The following C2CD3 variants were observed in gnomAD, a reference collection of about 807,000 sequenced individuals.
C2CD3 encodes C2 domain containing 3 centriole elongation regulator.
C2CD3 carries 148 observed loss-of-function variants against 234.0 expected under a neutral mutation model. The ratio of observed to expected loss-of-function variants is 0.63; its 90% CI spans 0.55 to 0.72. The LOEUF (loss-of-function observed/expected upper bound fraction) is 0.72. C2CD3 is among the 30% of genes least tolerant of loss of function. The pLI is 0.00. For missense variants in C2CD3, 2,577 were observed against 2,811.5 expected, an observed-to-expected ratio of 0.92 and a Z score of 1.89; for synonymous variants, 1,000 against 1,035.4, an observed-to-expected ratio of 0.97 and a Z score of 0.66.
chr11:74,060,147 A>G (rs1233351052), intron 24 of C2CD3, among the ~76,000 whole-genome samples: 1 of 152,222 alleles, frequency 6.6e-6, no homozygotes, highest in African/African-American at 2.4e-5. Context: ...AGCCCATCGC[A>G]GCTCAAGGAG....
rs1341057574 is a variant in C2CD3, at chr11:74,093,859, C to T, written c.3301G>A (p.Gly1101Ser). The change falls in exon 18 of 33, where the codon GGC becomes AGC. Residue 1101 changes from glycine to serine, a missense_variant. By Grantham distance (56) the Gly-to-Ser change is moderately conservative. Coordinates refer to ENST00000334126, the MANE Select transcript of C2CD3 (RefSeq NM_001286577.2). ...RLLLSAFSAQ[G>S]LVPGGGVQFE... Reference sequence around the variant, plus strand: ...TGGACTCCACCTCCAGGCACGAGGCCCTGTGCAGAGAAAGCACTTAGTAGG... The same window carrying T: ...TGGACTCCACCTCCAGGCACGAGGCTCTGTGCAGAGAAAGCACTTAGTAGG... 6.2e-7 allele frequency: 1 copy of T among 1,614,058 alleles called. No homozygotes were observed. The highest frequency in any genetic ancestry group is 2.2e-5 in the East Asian group (1 of 44,874).
intron 20 of C2CD3, among the ~76,000 whole-genome samples, chr11:74,087,518 C>T (rs554744463): frequency 2.0e-5 from 3 of 151,488 alleles, no homozygotes; most frequent in Non-Finnish European, 2.9e-5. Context: ...GAGCTGAGAT[C>T]GCACCAGTGC....
intron 24 of C2CD3, among the ~76,000 whole-genome samples, chr11:74,066,272 G>GAACATCACACACTGGGGCCTGTC (rs1188973165): frequency 0.031 from 1,760 of 57,210 alleles, 107 homozygotes; most frequent in Non-Finnish European, 0.04. Context: ...ACAGGAGGGG[G>GAACATCACACACTGGGGCCTGTC]GAGGGATAGT....
At position 74,150,329 on chromosome 11, in the gene C2CD3, CA is replaced by C. The variant is rs1220718450; in HGVS notation, c.484-10502del. 8.9e-5 allele frequency among the ~76,000 whole-genome samples: 13 copies of C among 146,468 alleles called. No individual in the cohort carries two copies. The South Asian group carries it at 2.2e-3, about 25-fold the overall frequency. ...CTGTCTCTACTTAAAAAAAAAAATACAAAAAAAAATTAGCTGGATGTGGTGG... is the reference window on the plus strand; with the variant it reads ...CTGTCTCTACTTAAAAAAAAAAATACAAAAAAAATTAGCTGGATGTGGTGG... On this transcript the variant is annotated intron_variant, in intron 3 of 32. Coordinates refer to ENST00000334126, the MANE Select transcript of C2CD3 (RefSeq NM_001286577.2).
At position 74,048,257 on chromosome 11, in the gene C2CD3, C is replaced by T. The variant is rs1953485682; in HGVS notation, c.5443G>A (p.Asp1815Asn). ...TTTGAGGAGGCATGAGCAAGTTGGTCTAGGGTCTGCCTTGCCATGTGGCTG... is the reference window on the plus strand; with the variant it reads ...TTTGAGGAGGCATGAGCAAGTTGGTTTAGGGTCTGCCTTGCCATGTGGCTG... ...FSSHMARQTL[D>N]QLAHASSKEL... The change falls in exon 28 of 33, where the codon GAC becomes AAC. Residue 1815 changes from aspartate to asparagine, a missense_variant. By Grantham distance (23) the Asp-to-Asn change is conservative. Coordinates refer to ENST00000334126, the MANE Select transcript of C2CD3 (RefSeq NM_001286577.2). 5.0e-6 allele frequency: 8 copies of T among 1,613,622 alleles called. No individual in the cohort carries two copies. The Admixed American group carries it at 6.7e-5, about 13-fold the overall frequency.
chr11:74,073,703 G>A (rs1363029038), intron 24 of C2CD3, among the ~76,000 whole-genome samples: 2 of 152,070 alleles, frequency 1.3e-5, no homozygotes, highest in East Asian at 3.8e-4. Context: ...ATGTGATATG[G>A]AAATACCTGT....
Position 74,170,771 on chromosome 11 carries a change from C to T in C2CD3, c.22G>A (p.Gly8Arg). Residue 8 changes from glycine to arginine, a missense_variant, in exon 1 of 33, where the codon GGG (glycine) becomes AGG (arginine). Transcript: ENST00000334126. Reference protein sequence around the residue: MKQRKGQGSGGSRGRKKR... With the variant: MKQRKGQRSGGSRGRKKR... Reference sequence around the variant, plus strand: ...TTGCGCCCACGGCTGCCCCCAGACCCTTGGCCTTTTCGTTGTTTCATGATG... The same window carrying T: ...TTGCGCCCACGGCTGCCCCCAGACCTTTGGCCTTTTCGTTGTTTCATGATG... 1.9e-6 allele frequency: 3 copies of T among 1,614,240 alleles called. No individual in the cohort carries two copies. Among genetic ancestry groups the T allele is most frequent in the Non-Finnish European group, 2.5e-6 (3 of 1,180,050 alleles).
intron 8 of C2CD3, 33 bp downstream of exon 8, chr11:74,122,955 C>CT (rs752645307): frequency 6.3e-7 from 1 of 1,580,858 alleles, no homozygotes; most frequent in South Asian, 1.1e-5. Flanking sequence ...CATTTGTTCT[C>CT]TAATTCTCAA....
intron 8 of C2CD3, among the ~76,000 whole-genome samples, chr11:74,120,721 T>A (rs1160133147): frequency 1.3e-5 from 2 of 152,244 alleles, no homozygotes; most frequent in Non-Finnish European, 2.9e-5. Context: ...CCACAATGGT[T>A]GAACTACTTT....
chr11:74,142,429 G>C (rs567391745), intron 3 of C2CD3: 1 of 152,278 alleles, frequency 6.6e-6, no homozygotes, highest in South Asian at 2.1e-4. Flanking sequence ...TTGTGTTCCT[G>C]AACTATGAAA....
At chr11:74,046,201 T>A (rs756081497) in intron 28 of C2CD3, among the ~76,000 whole-genome samples, 3 of 152,088 alleles carry the variant, frequency 2.0e-5, no homozygotes, top group Non-Finnish European at 4.4e-5. Flanking sequence ...TCTCCAAAAG[T>A]TTCTTCTTGT....
chr11:74,041,448 C>T (rs775139021), intron 29 of C2CD3, among the ~76,000 whole-genome samples: 5 of 152,192 alleles, frequency 3.3e-5, no homozygotes, highest in Non-Finnish European at 5.9e-5. Flanking sequence ...AGGCATTCCC[C>T]TGTCTACTCT....
intron 2 of C2CD3, among the ~76,000 whole-genome samples, chr11:74,166,864 A>G (rs1193087664): frequency 6.6e-6 from 1 of 152,222 alleles, no homozygotes; most frequent in African/African-American, 2.4e-5. Flanking sequence ...AGTATTCACA[A>G]TAATTCCTGA....
At position 74,123,123 on chromosome 11, in the gene C2CD3, G is replaced by C; in HGVS notation, c.1230C>G (p.Ser410=). 6.2e-7 allele frequency: 1 copy of C among 1,612,562 alleles called. No homozygotes were observed. Among genetic ancestry groups the C allele is most frequent in the Non-Finnish European group, 8.5e-7 (1 of 1,178,738 alleles). ...IQLLLGSAEL[S]QGNFWDGLGS... is the part of the protein sequence containing the mutation. Reference sequence around the variant, plus strand: ...CTAGCCCATCCCAGAAATTGCCTTGGGATAATTCAGCACTGCAGAGATAAG... The same window carrying C: ...CTAGCCCATCCCAGAAATTGCCTTGCGATAATTCAGCACTGCAGAGATAAG... The change falls in exon 8 of 33, where the codon TCC becomes TCG. Residue 410 remains serine, a synonymous_variant. Coordinates refer to ENST00000334126, the MANE Select transcript of C2CD3 (RefSeq NM_001286577.2).
Position 74,078,427 on chromosome 11 carries a change from T to C in C2CD3, c.4291A>G (p.Lys1431Glu), listed in dbSNP as rs1230656751. ...VLLAGHNHIHKNTYCYLRYKF... is the reference protein window; with the variant it reads ...VLLAGHNHIHENTYCYLRYKF... ...TAGCGAAGGTAGCAATATGTATTCT[T>C]ATGAATGTGGTTGTGGCCAGCAAGC... The change falls in exon 23 of 33, where the codon AAG becomes GAG. Residue 1431 changes from lysine to glutamate, a missense_variant. Transcript: ENST00000334126. 3 of 1,614,096 alleles carry C rather than the reference T, an allele frequency of 1.9e-6. No homozygotes were observed. The African/African-American group carries it at 4.0e-5, about 22-fold the overall frequency.
chr11:74,144,939 C>T (rs1855073777), intron 3 of C2CD3, among the ~76,000 whole-genome samples: 1 of 152,102 alleles, frequency 6.6e-6, no homozygotes, highest in Non-Finnish European at 1.5e-5. Flanking sequence ...TGTGATAGAA[C>T]AATTTATAGT....
intron 3 of C2CD3, among the ~76,000 whole-genome samples, chr11:74,148,382 A>G (rs1353304705): frequency 6.6e-6 from 1 of 151,694 alleles, no homozygotes; most frequent in Non-Finnish European, 1.5e-5. Context: ...GTTTATGTGT[A>G]TATATACATA....
chr11:74,123,196 CTCTT>C (rs1565320656), intron 7 of C2CD3, 61 bp from the exon 8 acceptor site: 2 of 1,267,866 alleles, frequency 1.6e-6, no homozygotes, highest in Non-Finnish European at 2.2e-6. Flanking sequence ...GAACTATTCT[CTCTT>C]TAGTGAAACT....
intron 22 of C2CD3, among the ~76,000 whole-genome samples, chr11:74,079,375 A>G (rs780238124): frequency 6.6e-6 from 1 of 151,978 alleles, no homozygotes; most frequent in Non-Finnish European, 1.5e-5. Context: ...CCATTTTCCA[A>G]AAAAAGGTTT....
Sources: gnomAD v4.1 joint callset for allele counts (sites outside exome capture counted in the v4.1 genomes callset) on GRCh38, gnomAD v4.1.1 for gene constraint, MANE v1.5 for transcripts, NCBI Gene and HGNC (gene_info 2026-07-23, HGNC 2026-07-21) for gene names.